CRACD: variants seen among roughly 807,000 people sequenced by gnomAD.
The protein encoded by CRACD is capping protein-inhibiting regulator of actin dynamics.
In CRACD, 56 loss-of-function variants were observed where a neutral mutation model predicts 106.8. The ratio of observed to expected loss-of-function variants is 0.52; its 90% confidence interval spans 0.42 to 0.66. CRACD has a LOEUF of 0.66. Ranked by LOEUF, CRACD falls within the 30% of genes least tolerant of loss-of-function variation. The probability of loss-of-function intolerance (pLI) is 0.00; values close to 1 mark genes in which losing one functional copy is unlikely to be tolerated. For missense variants in CRACD, 1,730 were observed against 1,623.2 expected (o/e 1.07, Z -1.13); for synonymous variants, 754 against 670.8 (o/e 1.12, Z -1.92).
intron 1 of CRACD, among the ~76,000 whole-genome samples, chr4:56,165,293 A>C (rs2109909200): frequency 6.6e-6 from 1 of 152,336 alleles, no homozygotes; most frequent in South Asian, 2.1e-4. Context: ...CTGACGTAGC[A>C]GCAACAGACA....
At chr4:56,074,705 T>C (rs1157130662) in intron 1 of CRACD, among the ~76,000 whole-genome samples, 2 of 152,138 alleles carry the variant, frequency 1.3e-5, no homozygotes, top group Admixed American at 1.3e-4. Context: ...TTGCCGTGGC[T>C]GGAACTTCAA....
At chr4:56,188,657 A>G (rs372718634) in intron 2 of CRACD, among the ~76,000 whole-genome samples, 2 of 66,836 alleles carry the variant, frequency 3.0e-5, no homozygotes, top group Non-Finnish European at 6.5e-5. Context: ...CTATCTCTCT[A>G]TTTCTCTCTC....
chr4:56,227,639 A>G (rs952175680), intron 2 of CRACD, among the ~76,000 whole-genome samples: 6 of 152,168 alleles, frequency 3.9e-5, no homozygotes, highest in Non-Finnish European at 8.8e-5. Context: ...CAGCTGTTCA[A>G]CTCCATCTTC....
intron 1 of CRACD, among the ~76,000 whole-genome samples, chr4:56,175,526 G>A (rs796734096): frequency 3.3e-5 from 5 of 151,930 alleles, no homozygotes; most frequent in Non-Finnish European, 7.4e-5. Context: ...ATTTTTGTGG[G>A]TATGTAGTTA....
At chr4:56,083,793 T>C (rs964999015) in intron 1 of CRACD, among the ~76,000 whole-genome samples, 12 of 151,916 alleles carry the variant, frequency 7.9e-5, no homozygotes, top group Admixed American at 7.2e-4. Flanking sequence ...CTGGGCAACA[T>C]TGAGAAACCC....
intron 2 of CRACD, among the ~76,000 whole-genome samples, chr4:56,239,002 G>A (rs9997392): frequency 0.64 from 97,067 of 152,048 alleles, 31,116 homozygotes; most frequent in East Asian, 0.85. Context: ...AGATTACATC[G>A]GCACTTCAGG....
intron 2 of CRACD, among the ~76,000 whole-genome samples, chr4:56,205,233 C>T (rs1014957532): frequency 6.6e-6 from 1 of 152,132 alleles, no homozygotes; most frequent in South Asian, 2.1e-4. Context: ...ATAAGTAATG[C>T]GTACACCCAG....
chr4:56,307,789 T>C, intron 5 of CRACD, 90 bp downstream of exon 5: 4 of 1,335,754 alleles, frequency 3.0e-6, no homozygotes, highest in Non-Finnish European at 4.2e-6. Flanking sequence ...AGCAGGGGAA[T>C]TAGAGGGAGG....
At chr4:56,168,316 A>ATTT (rs74674576) in intron 1 of CRACD, among the ~76,000 whole-genome samples, 49,564 of 151,778 alleles carry the variant, frequency 0.33, 8,059 homozygotes, top group Admixed American at 0.34. Flanking sequence ...ACTCTTTAAG[A>ATTT]TTTTTCTTCT....
intron 1 of CRACD, among the ~76,000 whole-genome samples, chr4:56,146,603 T>C (rs1366766389): frequency 1.4e-5 from 2 of 140,058 alleles, no homozygotes; most frequent in Non-Finnish European, 3.0e-5. Context: ...TTAATTAATA[T>C]ATAAGATTTT....
chr4:56,175,522 G>T (rs1014032144), intron 1 of CRACD, among the ~76,000 whole-genome samples: 22 of 151,848 alleles, frequency 1.4e-4, no homozygotes, highest in African/African-American at 4.6e-4. Context: ...TTAAATTTTT[G>T]TGGGTATGTA....
chr4:56,237,305 T>C (rs913249117), intron 2 of CRACD, among the ~76,000 whole-genome samples: 1 of 152,132 alleles, frequency 6.6e-6, no homozygotes, highest in Admixed American at 6.5e-5. Context: ...CAATATGCAT[T>C]AATATATTCA....
chr4:56,105,556 G>C (rs565896670), intron 1 of CRACD, among the ~76,000 whole-genome samples: 150 of 152,176 alleles, frequency 9.9e-4, no homozygotes, highest in African/African-American at 3.2e-3. Flanking sequence ...GGTTAATGAG[G>C]TTTCATAAGT....
chr4:56,092,861 G>T (rs147763043), intron 1 of CRACD, among the ~76,000 whole-genome samples: 2 of 152,290 alleles, frequency 1.3e-5, no homozygotes, highest in East Asian at 3.9e-4. Context: ...CTGCCTTACA[G>T]CAGGAGAGCA....
chr4:56,226,719 C>G (rs1424098873), intron 2 of CRACD, among the ~76,000 whole-genome samples: 2 of 151,966 alleles, frequency 1.3e-5, no homozygotes, highest in Admixed American at 1.3e-4. Context: ...AGATGAATGC[C>G]CTCCCTGTGG....
chr4:56,102,736 C>CTG (rs1487670323), intron 1 of CRACD, among the ~76,000 whole-genome samples: 1 of 152,204 alleles, frequency 6.6e-6, no homozygotes, highest in African/African-American at 2.4e-5. Flanking sequence ...ACATCGTCTG[C>CTG]TGGATTCGAC....
In CRACD at chr4:56,132,451, C is replaced by T. The variant is rs576347879; in HGVS notation, c.-335-46833C>T. 4.3e-4 allele frequency among the ~76,000 whole-genome samples: 66 copies of T among 152,212 alleles called. No homozygotes were observed. In the South Asian group the frequency reaches 0.013, roughly 31 times the overall value. On this transcript the variant is annotated intron_variant, in intron 1 of 10. Coordinates refer to ENST00000682029, the MANE Select transcript of CRACD (RefSeq NM_001393381.1). ...AACCTTCCAGACTCTAGCAGTTCTCCCAACTCTCAGCCTTGCCAGTAGCTG... is the reference window on the plus strand; with the variant it reads ...AACCTTCCAGACTCTAGCAGTTCTCTCAACTCTCAGCCTTGCCAGTAGCTG...
chr4:56,263,378 A>G (rs983909822), intron 2 of CRACD, among the ~76,000 whole-genome samples: 1 of 152,244 alleles, frequency 6.6e-6, no homozygotes, highest in African/African-American at 2.4e-5. Flanking sequence ...CTGCCATAAC[A>G]AAGTACCACA....
At chr4:56,122,610 C>T (rs1185890471) in intron 1 of CRACD, among the ~76,000 whole-genome samples, 6 of 152,206 alleles carry the variant, frequency 3.9e-5, no homozygotes, top group African/African-American at 1.4e-4. Flanking sequence ...CATGGATGCA[C>T]TTATCTCCTT....
Sources: gnomAD v4.1 joint callset for allele counts (sites outside exome capture counted in the v4.1 genomes callset) on GRCh38, gnomAD v4.1.1 for gene constraint, MANE v1.5 for transcripts, NCBI Gene and HGNC (gene_info 2026-07-23, HGNC 2026-07-21) for gene names.